Variants in SLAIN1 observed in about 807,000 individuals in gnomAD.
SLAIN1 encodes the protein SLAIN family member 1.
In SLAIN1, 17 loss-of-function variants were observed where a neutral mutation model predicts 55.4. The observed-to-expected ratio is 0.31, with a 90% CI of 0.21 to 0.46. The LOEUF (loss-of-function observed/expected upper bound fraction) is 0.46. SLAIN1 is among the 20% of genes least tolerant of loss of function. The probability of loss-of-function intolerance (pLI) is 1.00; values close to 1 mark genes in which losing one functional copy is unlikely to be tolerated. For missense variants in SLAIN1, 682 were observed against 785.1 expected (o/e 0.87, Z 1.57); for synonymous variants, 348 against 337.4 (o/e 1.03, Z -0.35).
chr13:77,724,593 A>G (rs569519714), intron 2 of SLAIN1, among the ~76,000 whole-genome samples: 2 of 152,290 alleles, frequency 1.3e-5, no homozygotes, highest in East Asian at 1.9e-4. Flanking sequence ...CTGGCTTCCA[A>G]TTAAGGGGGT....
chr13:77,710,629 A>G (rs1472266893), intron 1 of SLAIN1, among the ~76,000 whole-genome samples: 1 of 152,200 alleles, frequency 6.6e-6, no homozygotes, highest in Non-Finnish European at 1.5e-5. Context: ...TTAGACTCCC[A>G]CACAATAATA....
intron 2 of SLAIN1, among the ~76,000 whole-genome samples, chr13:77,736,258 T>C (rs1873115442): frequency 6.6e-6 from 1 of 152,026 alleles, no homozygotes; most frequent in Admixed American, 6.6e-5. Flanking sequence ...GCCTGTAACT[T>C]ACAGATTAAA....
Position 77,744,837 on chromosome 13 carries a change from C to T in SLAIN1, c.916+405C>T, listed in dbSNP as rs183764542. ...CCAAAACTGGAATTAGCTTAGAAGGCCTTCAGTGGGTAAATGATTAAACCA... is the reference window on the plus strand; with the variant it reads ...CCAAAACTGGAATTAGCTTAGAAGGTCTTCAGTGGGTAAATGATTAAACCA... On this transcript the variant is annotated intron_variant, in intron 3 of 6. Transcript: ENST00000418532. 3.9e-5 allele frequency among the ~76,000 whole-genome samples: 6 copies of T among 152,150 alleles called. No homozygotes were observed. In the East Asian group the frequency reaches 9.7e-4, roughly 25 times the overall value.
intron 2 of SLAIN1, among the ~76,000 whole-genome samples, chr13:77,723,921 T>C (rs1484074697): frequency 1.3e-5 from 1 of 74,480 alleles, no homozygotes; most frequent in Non-Finnish European, 3.0e-5. Context: ...TTGTTCTACT[T>C]TTTTGGAGAT....
At chr13:77,759,533 A>G (rs1209919387) in intron 5 of SLAIN1, among the ~76,000 whole-genome samples, 3 of 152,152 alleles carry the variant, frequency 2.0e-5, no homozygotes, top group Non-Finnish European at 4.4e-5. Flanking sequence ...CTCAGGGGGA[A>G]TGCTTTCAAC....
At chr13:77,729,139 A>G (rs1031467635) in intron 2 of SLAIN1, among the ~76,000 whole-genome samples, 1 of 152,160 alleles carries the variant, frequency 6.6e-6, no homozygotes, top group Non-Finnish European at 1.5e-5. Context: ...GATTTAGTAC[A>G]GTAACAGATA....
chr13:77,759,514 G>A (rs1413110051), intron 5 of SLAIN1, among the ~76,000 whole-genome samples: 1 of 151,994 alleles, frequency 6.6e-6, no homozygotes, highest in Non-Finnish European at 1.5e-5. Flanking sequence ...AGGACGTTTT[G>A]TTCCATTTCT....
Position 77,760,938 on chromosome 13 carries a change from A to G in SLAIN1, c.1525A>G (p.Ser509Gly). ...CTATGTGAGTCCAACCGTTCAAGGC[A>G]GCAGTAACATGCCTTTATCAAACGG... is the stretch of plus-strand genomic sequence containing the variant. ...TAYVSPTVQG[S>G]SNMPLSNGLQ... Residue 509 changes from serine (S) to glycine (G), a missense_variant, in exon 6 of 7, where the codon AGC becomes GGC. Physicochemically the swap from Ser to Gly is moderately conservative, Grantham distance 56. Coordinates refer to ENST00000418532, the MANE Select transcript of SLAIN1 (RefSeq NM_001242868.2). The G allele has an allele frequency of 1.2e-6, 2 of 1,614,182 alleles. No individual in the cohort carries two copies. Among genetic ancestry groups the G allele is most frequent in the Non-Finnish European group, 1.7e-6 (2 of 1,180,018 alleles).
At chr13:77,756,359 T>C (rs1380845585) in intron 5 of SLAIN1, among the ~76,000 whole-genome samples, 2 of 152,122 alleles carry the variant, frequency 1.3e-5, no homozygotes, top group African/African-American at 4.8e-5. Flanking sequence ...TAGTCCTCCA[T>C]TGACTCAGGT....
intron 2 of SLAIN1, chr13:77,741,385 A>T (rs2154410300): frequency 1.0e-6 from 1 of 987,474 alleles, no homozygotes. Flanking sequence ...GAAGAGAAGG[A>T]ACTGGAAGTG....
chr13:77,710,998 G>T (rs1003932450), intron 1 of SLAIN1, among the ~76,000 whole-genome samples: 5 of 152,166 alleles, frequency 3.3e-5, no homozygotes, highest in Admixed American at 2.0e-4. Flanking sequence ...GGTAAATAAA[G>T]AAATTAAGGC....
In SLAIN1 at chr13:77,699,102, GT is replaced by G. The variant is rs776027429; in HGVS notation, c.626+565del. On this transcript the variant is annotated intron_variant, in intron 1 of 6. Transcript: ENST00000418532. ...ATTTTGCAGTCGTGTGCCCTTTTGC[GT>G]TGCATTTTCATTGAAATCTTATTTT... 7.4e-6 allele frequency: 11 copies of G among 1,490,746 alleles called. No individual in the cohort carries two copies. In the South Asian group the frequency reaches 1.3e-4, roughly 18 times the overall value. 92.3% of individuals were successfully genotyped at this position (1,490,746 alleles called of 1,614,324 possible). A position where few individuals can be genotyped will look rare whatever the true frequency, so the allele number is the denominator to read the frequency against.
intron 2 of SLAIN1, among the ~76,000 whole-genome samples, chr13:77,740,175 A>T (rs1486701821): frequency 6.6e-6 from 1 of 152,100 alleles, no homozygotes; most frequent in East Asian, 1.9e-4. Flanking sequence ...GCATTTGATG[A>T]AAAGCCCCTG....
intron 5 of SLAIN1, among the ~76,000 whole-genome samples, chr13:77,758,680 G>A (rs1437472852): frequency 1.3e-5 from 2 of 151,888 alleles, no homozygotes; most frequent in Non-Finnish European, 2.9e-5. Flanking sequence ...TACTGAATAG[G>A]GTGTCCTTTC....
intron 4 of SLAIN1, among the ~76,000 whole-genome samples, chr13:77,751,408 TG>T (rs1299722231): frequency 6.6e-6 from 1 of 152,242 alleles, no homozygotes; most frequent in East Asian, 1.9e-4. Flanking sequence ...TGAGAAGCAC[TG>T]GTCTAGACTA....
chr13:77,741,333 C>A, intron 2 of SLAIN1: 1 of 987,192 alleles, frequency 1.0e-6, no homozygotes, highest in Non-Finnish European at 1.2e-6. Flanking sequence ...CATTATTAAC[C>A]CCTAGTTTGT....
At chr13:77,714,745 A>G (rs895145302) in intron 1 of SLAIN1, among the ~76,000 whole-genome samples, 1 of 152,204 alleles carries the variant, frequency 6.6e-6, no homozygotes, top group African/African-American at 2.4e-5. Context: ...TTTAACATGT[A>G]TATATACCCG....
chr13:77,740,305 A>G (rs889463250), intron 2 of SLAIN1, among the ~76,000 whole-genome samples: 2 of 151,950 alleles, frequency 1.3e-5, no homozygotes, highest in African/African-American at 4.8e-5. Flanking sequence ...ATCTGGTGAG[A>G]GGTGGTGAGT....
At chr13:77,746,267 A>C (rs1594287071) in intron 3 of SLAIN1, among the ~76,000 whole-genome samples, 3 of 152,268 alleles carry the variant, frequency 2.0e-5, no homozygotes, top group Admixed American at 2.0e-4. Context: ...TGTGGCAGGT[A>C]TATATAATCC....
Sources: allele counts gnomAD v4.1 joint callset (sites outside exome capture counted in the v4.1 genomes callset), GRCh38; gene constraint gnomAD v4.1.1; transcripts MANE v1.5; gene names NCBI Gene and HGNC (gene_info 2026-07-23, HGNC 2026-07-21).